FRY: variants seen among roughly 807,000 people sequenced by gnomAD.
The protein encoded by FRY is protein furry homolog.
FRY carries 128 observed loss-of-function variants against 348.4 expected under a neutral mutation model. The observed-to-expected ratio is 0.37, with a 90% CI of 0.32 to 0.43. The LOEUF is 0.43. Among genes scored for constraint, FRY ranks in the 20% least tolerant of loss-of-function variants. FRY has a pLI of 1.00. For missense variants in FRY, 2,736 were observed against 3,695.2 expected, an observed-to-expected ratio of 0.74 and a Z score of 6.73; for synonymous variants, 1,370 against 1,374.7, an observed-to-expected ratio of 1.00 and a Z score of 0.08.
At chr13:32,077,308 A>T (rs1875142574) in intron 1 of FRY, among the ~76,000 whole-genome samples, 1 of 152,208 alleles carries the variant, frequency 6.6e-6, no homozygotes, top group Non-Finnish European at 1.5e-5. Context: ...GATTAGTCTG[A>T]TATGGAAAAC....
chr13:32,068,984 C>A (rs1424080375), intron 1 of FRY, among the ~76,000 whole-genome samples: 1 of 143,916 alleles, frequency 6.9e-6, no homozygotes, highest in African/African-American at 2.6e-5. Flanking sequence ...GGCCTGTTCT[C>A]GGCTCACTGC....
intron 1 of FRY, among the ~76,000 whole-genome samples, chr13:32,053,893 A>T (rs1313202159): frequency 3.9e-5 from 6 of 152,142 alleles, no homozygotes; most frequent in Non-Finnish European, 1.5e-5. Flanking sequence ...CCTTCACTGC[A>T]CAAGGAGAAT....
At chr13:32,118,451 C>T (rs182994984) in intron 4 of FRY, among the ~76,000 whole-genome samples, 201 of 152,198 alleles carry the variant, frequency 1.3e-3, no homozygotes, top group Non-Finnish European at 2.2e-3. Context: ...AGAATTGTAA[C>T]ATTACCATGT....
rs549622402 is a variant in FRY at position 32,274,574 on chromosome 13, G to C, written c.8137-268G>C. On this transcript the variant is annotated intron_variant, in intron 55 of 60. Coordinates refer to ENST00000542859, the MANE Select transcript of FRY (RefSeq NM_023037.3). ...AAAAAATTAGCCAGGCGTGGTGGCA[G>C]GCACCTGTAGTCCCAGCTACTCGGG... is the stretch of plus-strand genomic sequence containing the variant. 7.3e-5 allele frequency among the ~76,000 whole-genome samples: 11 copies of C among 151,584 alleles called. No individual in the cohort carries two copies. In the South Asian group the frequency reaches 1.9e-3, roughly 26 times the overall value.
rs192259841 is a variant in FRY at position 32,265,572 on chromosome 13, G to A, written c.7902G>A (p.Gly2634=). ...SDSFSLDMTE[G]EEKGNRALDQ... is the part of the protein sequence containing the mutation. Reference sequence around the variant, plus strand: ...GCTTTAGCCTGGACATGACTGAGGGGGAAGAAAAAGGCAATCGGGCACTGG... The same window carrying A: ...GCTTTAGCCTGGACATGACTGAGGGAGAAGAAAAAGGCAATCGGGCACTGG... The change falls in exon 54 of 61, where the codon GGG becomes GGA. Residue 2634 remains glycine, a synonymous_variant. Transcript: ENST00000542859. 21 of 1,614,170 alleles carry A rather than the reference G, an allele frequency of 1.3e-5. No individual in the cohort carries two copies. The highest frequency in any genetic ancestry group is 4.0e-5 in the African/African-American group (3 of 75,046).
At chr13:32,260,305 T>C (rs1212127975) in intron 51 of FRY, among the ~76,000 whole-genome samples, 1 of 152,238 alleles carries the variant, frequency 6.6e-6, no homozygotes, top group African/African-American at 2.4e-5. Context: ...AAATTACCAG[T>C]AAATGAAAAG....
intron 56 of FRY, chr13:32,275,203 C>A (rs141094013): frequency 2.0e-5 from 8 of 393,756 alleles, no homozygotes; most frequent in Non-Finnish European, 3.4e-5. Flanking sequence ...ACGGTGAAAC[C>A]CCGTATCTAT....
At chr13:32,074,425 T>C (rs982104818) in intron 1 of FRY, among the ~76,000 whole-genome samples, 4 of 152,274 alleles carry the variant, frequency 2.6e-5, no homozygotes, top group East Asian at 1.9e-4. Context: ...CTAATTAATA[T>C]ATAAAAGTAA....
At chr13:32,234,784 G>A (rs1456736817) in intron 42 of FRY, 23 bp downstream of exon 42, 1 of 1,590,734 alleles carries the variant, frequency 6.3e-7, no homozygotes, top group African/African-American at 1.3e-5. Context: ...AGACCACTGA[G>A]CTCGTGAAGG....
intron 50 of FRY, among the ~76,000 whole-genome samples, 176 bp downstream of exon 50, chr13:32,252,128 T>C (rs916349744): frequency 2.0e-5 from 3 of 152,330 alleles, no homozygotes; most frequent in Admixed American, 1.3e-4. Context: ...TTAATCACAC[T>C]GAGTTCAGAA....
In FRY at chr13:32,052,981, T is replaced by C. The variant is rs1873421559; in HGVS notation, c.70+21116T>C. 1.3e-5 allele frequency among the ~76,000 whole-genome samples: 2 copies of C among 151,930 alleles called. 1 individual carries two copies. Among genetic ancestry groups the C allele is most frequent in the South Asian group, 4.1e-4 (2 of 4,820 alleles). On this transcript the variant is annotated intron_variant, in intron 1 of 60. Transcript: ENST00000542859. ...GTACAAAAATTAGCCAGTGTGGTGGTGTGGGCGTGGAGTCCTATCTACTCG... is the reference window on the plus strand; with the variant it reads ...GTACAAAAATTAGCCAGTGTGGTGGCGTGGGCGTGGAGTCCTATCTACTCG...
In FRY at chr13:32,249,552, T is replaced by C. The variant is rs1363638945; in HGVS notation, c.7035T>C (p.Asp2345=). 3 of 1,613,546 alleles carry C rather than the reference T, an allele frequency of 1.9e-6. No individual in the cohort carries two copies. The highest frequency in any genetic ancestry group is 2.5e-6 in the Non-Finnish European group (3 of 1,179,546). The change falls in exon 49 of 61, where the codon GAT becomes GAC. Residue 2345 remains aspartate (D), a synonymous_variant. Transcript: ENST00000542859. ...SETPIIGRRY[D]ELQNSSGRDG... Reference sequence around the variant, plus strand: ...CTCCAATCATCGGGAGGCGGTATGATGAGCTGCAGAATTCTTCTGGGCGTG... The same window carrying C: ...CTCCAATCATCGGGAGGCGGTATGACGAGCTGCAGAATTCTTCTGGGCGTG...
At chr13:32,179,847 A>G (rs760358476) in intron 23 of FRY, 48 bp downstream of exon 23, 6 of 1,571,262 alleles carry the variant, frequency 3.8e-6, no homozygotes, top group Non-Finnish European at 5.3e-6. Flanking sequence ...TGCTGCTGCT[A>G]TTGTAGTTCC....
At chr13:32,094,971 T>C (rs566924845) in intron 2 of FRY, among the ~76,000 whole-genome samples, 2 of 152,316 alleles carry the variant, frequency 1.3e-5, no homozygotes, top group South Asian at 2.1e-4. Flanking sequence ...CACCAACCAG[T>C]GTATGAAGGT....
intron 1 of FRY, among the ~76,000 whole-genome samples, chr13:32,054,927 G>C (rs1023502939): frequency 6.6e-6 from 1 of 152,062 alleles, no homozygotes; most frequent in East Asian, 1.9e-4. Flanking sequence ...AACCAATGAA[G>C]CACAGCAAAA....
At chr13:32,254,507 G>A in intron 51 of FRY, 113 bp downstream of exon 51, 2 of 1,082,168 alleles carry the variant, frequency 1.8e-6, no homozygotes, top group Non-Finnish European at 2.8e-6. Context: ...TAATTGGAAA[G>A]TTGTAAACTT....
In FRY at chr13:32,170,757, G is replaced by A. The variant is rs533159138; in HGVS notation, c.1893-255G>A. Among the ~76,000 whole-genome samples the A allele has an allele frequency of 1.3e-4, 20 of 152,130 alleles. No individual in the cohort carries two copies. In the East Asian group the frequency reaches 1.7e-3, roughly 13 times the overall value. On this transcript the variant is annotated intron_variant, in intron 17 of 60. Transcript: ENST00000542859. ...TCACCGTGTTAGCCAAGCTGTCCTC[G>A]AACTCCTGAACTCGGGCAATCCACC...
chr13:32,231,386 A>G, intron 41 of FRY, 86 bp downstream of exon 41: 6 of 1,368,412 alleles, frequency 4.4e-6, no homozygotes, highest in Non-Finnish European at 6.2e-6. Context: ...AGCGCCTTAA[A>G]ACGGTCCTGC....
chr13:32,135,846 G>A (rs141465826), intron 10 of FRY, among the ~76,000 whole-genome samples: 168 of 152,286 alleles, frequency 1.1e-3, no homozygotes, highest in African/African-American at 3.5e-3. Context: ...GTCTCCAAAG[G>A]ATGAGCATCC....
Sources: allele counts gnomAD v4.1 joint callset (sites outside exome capture counted in the v4.1 genomes callset), GRCh38; gene constraint gnomAD v4.1.1; transcripts MANE v1.5; gene names NCBI Gene and HGNC (gene_info 2026-07-23, HGNC 2026-07-21).